NAP1L1: variants seen among roughly 807,000 people sequenced by gnomAD.
NAP1L1 encodes the protein nucleosome assembly protein 1 like 1.
In NAP1L1, 9 loss-of-function variants were observed where a neutral mutation model predicts 58.9. That is an observed-to-expected ratio of 0.15 (90% CI 0.09 to 0.27). The LOEUF (loss-of-function observed/expected upper bound fraction) is 0.27, where lower values mean the gene tolerates loss of function less well. Ranked by LOEUF, NAP1L1 falls within the 10% of genes least tolerant of loss-of-function variation. NAP1L1 has a pLI of 1.00. For synonymous variants in NAP1L1, 130 were observed against 138.3 expected (o/e 0.94, Z 0.42); for missense variants, 302 against 458.8 (o/e 0.66, Z 3.12).
intron 6 of NAP1L1, chr12:76,057,787 C>T: frequency 6.4e-7 from 1 of 1,551,148 alleles, no homozygotes; most frequent in Non-Finnish European, 8.7e-7. Context: ...CTGTCAAGGT[C>T]AAGGAACAGC....
At chr12:76,064,431 CATTTACAAAAGTAAG>C (rs1949568089) in intron 4 of NAP1L1, among the ~76,000 whole-genome samples, 1 of 152,024 alleles carries the variant, frequency 6.6e-6, no homozygotes, top group Non-Finnish European at 1.5e-5. Flanking sequence ...TCACACTCAA[CATTTACAAAAGTAAG>C]AGTATTAAGG....
intron 1 of NAP1L1, among the ~76,000 whole-genome samples, chr12:76,079,861 T>A (rs1180845989): frequency 6.6e-6 from 1 of 152,106 alleles, no homozygotes; most frequent in African/African-American, 2.4e-5. Context: ...CTATATTGTT[T>A]TAATTTTTTT....
chr12:76,069,338 T>C (rs1339007089), intron 2 of NAP1L1, among the ~76,000 whole-genome samples: 1 of 152,266 alleles, frequency 6.6e-6, no homozygotes, highest in Non-Finnish European at 1.5e-5. Flanking sequence ...TCTCATTTTA[T>C]ATGAGATGGC....
Position 76,053,367 on chromosome 12 carries a change from G to T in NAP1L1, c.771-17C>A. ...ATCTGGCACCTTGCAAAACAAAGAA[G>T]AAAAATCTATTACAATTGACAATCT... On this transcript the variant is annotated splice_polypyrimidine_tract_variant and intron_variant, in intron 9 of 14. Coordinates refer to ENST00000618691, the MANE Select transcript of NAP1L1 (RefSeq NM_004537.7). 1 of 1,601,274 alleles carries T rather than the reference G, an allele frequency of 6.2e-7. No homozygotes were observed. Among genetic ancestry groups the T allele is most frequent in the South Asian group, 1.1e-5 (1 of 87,810 alleles).
intron 6 of NAP1L1, chr12:76,056,926 G>C: frequency 3.8e-6 from 1 of 260,654 alleles, no homozygotes; most frequent in South Asian, 3.7e-5. Context: ...CAGAAGAATT[G>C]CTTGAACCCA....
Position 76,037,297 on chromosome 12 carries a change from T to A in NAP1L1, c.*11132A>T, listed in dbSNP as rs937868338. On this transcript the variant is annotated 3_prime_UTR_variant, in exon 15 of 15. Transcript: ENST00000618691. Reference sequence around the variant, plus strand: ...TAGTAGTTGATGAACTGATGCCTCCTAGTGACCAATCTGTGTAACAGCTTA... The same window carrying A: ...TAGTAGTTGATGAACTGATGCCTCCAAGTGACCAATCTGTGTAACAGCTTA... 6.6e-6 allele frequency: 1 copy of A among 152,348 alleles called. No homozygotes were observed. Among genetic ancestry groups the A allele is most frequent in the African/African-American group, 2.4e-5 (1 of 41,472 alleles). The allele number at this position is 152,348 out of a possible 1,614,324, so 9.4% of individuals were successfully genotyped here. A position where few individuals can be genotyped will look rare whatever the true frequency, so the allele number is the denominator to read the frequency against.
At position 76,058,940 on chromosome 12, in the gene NAP1L1, G is replaced by T. The variant is rs1347478067; in HGVS notation, c.429+858C>A. On this transcript the variant is annotated intron_variant, in intron 6 of 14. Coordinates refer to ENST00000618691, the MANE Select transcript of NAP1L1 (RefSeq NM_004537.7). The stretch of plus-strand genomic sequence containing the variant: ...GGGCACAATAACATACTGTTGGTAG[G>T]AGTTGTTGGAGCTATTCTGGAGATT... Among the ~76,000 whole-genome samples, 5 of 152,150 alleles carry T rather than the reference G, an allele frequency of 3.3e-5. No homozygotes were observed. The East Asian group carries it at 7.7e-4, about 23-fold the overall frequency.
intron 2 of NAP1L1, among the ~76,000 whole-genome samples, chr12:76,073,639 T>A (rs574839834): frequency 1.3e-5 from 2 of 152,306 alleles, no homozygotes; most frequent in Non-Finnish European, 2.9e-5. Flanking sequence ...GTGATCACTA[T>A]TCAGATTTTC....
Position 76,045,125 on chromosome 12 carries a change from TAAAAA to T in NAP1L1, c.*3299_*3303del, listed in dbSNP as rs953019118. On this transcript the variant is annotated 3_prime_UTR_variant, in exon 15 of 15. Transcript: ENST00000618691. ...CCAAGTATATATGTACAGTGCAGAT[TAAAAA>T]AAAACTGAATTAGCACATATTTCTC... is the stretch of plus-strand genomic sequence containing the variant. The T allele has an allele frequency of 1.3e-5, 2 of 151,382 alleles. No individual in the cohort carries two copies. The highest frequency in any genetic ancestry group is 4.8e-5 in the African/African-American group (2 of 41,248). 9.4% of individuals were successfully genotyped at this position (151,382 alleles called of 1,614,324 possible).
chr12:76,055,109 A>G lies in NAP1L1; in HGVS notation c.559-19T>C, dbSNP rs1949020573. 6.6e-7 allele frequency: 1 copy of G among 1,524,062 alleles called. No homozygotes were observed. The highest frequency in any genetic ancestry group is 1.4e-5 in the African/African-American group (1 of 72,480). The allele number at this position is 1,524,062 out of a possible 1,614,324, so 94.4% of individuals were successfully genotyped here. ...CGTGTTCCTTCAAATTAAAAAAATA[A>G]TAAAAATGAATAACATGGCATTCGA... On this transcript the variant is annotated intron_variant, in intron 7 of 14. Coordinates refer to ENST00000618691, the MANE Select transcript of NAP1L1 (RefSeq NM_004537.7).
chr12:76,083,885 G>T (rs1015903425), intron 1 of NAP1L1: 1 of 152,162 alleles, frequency 6.6e-6, no homozygotes, highest in Non-Finnish European at 1.5e-5. Context: ...AGCACAGACC[G>T]AGGGCAAGGG....
intron 4 of NAP1L1, among the ~76,000 whole-genome samples, chr12:76,065,473 G>T (rs960029094): frequency 6.6e-6 from 1 of 151,296 alleles, no homozygotes; most frequent in Non-Finnish European, 1.5e-5. Context: ...TGACTGGGGG[G>T]CAAAACAGAA....
chr12:76,051,637 C>T (rs9795665), intron 11 of NAP1L1, among the ~76,000 whole-genome samples: 83,197 of 152,028 alleles, frequency 0.55, 24,283 homozygotes, highest in East Asian at 0.96. Flanking sequence ...GCAGCTGGGA[C>T]TACAGGTGCC....
chr12:76,069,310 C>T (rs1000921773), intron 2 of NAP1L1, among the ~76,000 whole-genome samples: 6 of 152,178 alleles, frequency 3.9e-5, no homozygotes, highest in Non-Finnish European at 7.4e-5. Flanking sequence ...TTTTACTTTT[C>T]CTTCTTAGTA....
At chr12:76,071,989 T>C (rs1949972999) in intron 2 of NAP1L1, among the ~76,000 whole-genome samples, 1 of 150,628 alleles carries the variant, frequency 6.6e-6, no homozygotes, top group African/African-American at 2.4e-5. Flanking sequence ...ATTCTAACAC[T>C]GGGGTTTCTA....
At chr12:76,077,682 A>G (rs12300971) in intron 1 of NAP1L1, among the ~76,000 whole-genome samples, 28 of 152,162 alleles carry the variant, frequency 1.8e-4, no homozygotes, top group African/African-American at 6.8e-4. Context: ...ATGCAGATCA[A>G]TTCTACCAAT....
intron 4 of NAP1L1, among the ~76,000 whole-genome samples, chr12:76,065,025 A>G (rs1949598819): frequency 6.6e-6 from 1 of 152,192 alleles, no homozygotes. Flanking sequence ...TTATGCACAT[A>G]CATACATGCA....
intron 7 of NAP1L1, among the ~76,000 whole-genome samples, 175 bp from the exon 8 acceptor site, chr12:76,055,265 C>T (rs1949027941): frequency 1.3e-5 from 2 of 152,196 alleles, no homozygotes; most frequent in South Asian, 4.1e-4. Flanking sequence ...CTAATTTATA[C>T]TGTAGTTCTA....
chr12:76,051,533 A>G (rs1565715831), intron 11 of NAP1L1, among the ~76,000 whole-genome samples: 1 of 152,178 alleles, frequency 6.6e-6, no homozygotes, highest in African/African-American at 2.4e-5. Context: ...TACTAACTAA[A>G]TCAGGTGCCC....
Sources: allele counts gnomAD v4.1 joint callset (sites outside exome capture counted in the v4.1 genomes callset), GRCh38; gene constraint gnomAD v4.1.1; transcripts MANE v1.5; gene names NCBI Gene and HGNC (gene_info 2026-07-23, HGNC 2026-07-21).